Variants in SYS1 observed in about 807,000 individuals in gnomAD.
SYS1 encodes SYS1 golgi trafficking protein, also known as protein SYS1 homolog.
In SYS1, 8 loss-of-function variants were observed where a neutral mutation model predicts 17.8. The observed-to-expected ratio is 0.45, with a 90% confidence interval of 0.26 to 0.81. The LOEUF (loss-of-function observed/expected upper bound fraction) is 0.81. Ranked by LOEUF, SYS1 falls within the 40% of genes least tolerant of loss-of-function variation. The pLI is 0.16. For synonymous variants in SYS1, 95 were observed against 90.9 expected, an observed-to-expected ratio of 1.05 and a Z score of -0.26; for missense variants, 161 against 203.9, an observed-to-expected ratio of 0.79 and a Z score of 1.28.
chr20:45,365,723 T>G (rs1568917368), intron 3 of SYS1, 37 bp downstream of exon 3: 2 of 1,594,622 alleles, frequency 1.3e-6, no homozygotes, highest in East Asian at 4.5e-5. Flanking sequence ...GCTTTTGGGC[T>G]CTTAGTGCTG....
chr20:45,375,203 G>A, exon 4 of SYS1: 1 of 1,614,224 alleles, frequency 6.2e-7, no homozygotes, highest in Non-Finnish European at 8.5e-7. Flanking sequence ...GCTACATCCA[G>A]CTGCTTCATG....
At chr20:45,370,347 C>T (rs1331212236), downstream of SYS1, among the ~76,000 whole-genome samples, 1 of 152,140 alleles carries the variant, frequency 6.6e-6, no homozygotes, top group Admixed American at 6.5e-5. Context: ...CTTAACTCTC[C>T]AGGTGTCTGA....
chr20:45,369,773 T>C (rs1056209358), downstream of SYS1, among the ~76,000 whole-genome samples: 2 of 150,828 alleles, frequency 1.3e-5, no homozygotes, highest in African/African-American at 2.4e-5. Flanking sequence ...AGCTAATTTT[T>C]GTATTTTTAT....
At chr20:45,361,951 T>C (rs895282500), upstream of SYS1, 2 of 981,560 alleles carry the variant, frequency 2.0e-6, no homozygotes, top group Non-Finnish European at 2.4e-6. Context: ...AACAACTTAC[T>C]TCCCGTCTTT....
chr20:45,368,479 T>C lies in SYS1; in HGVS notation c.*1364T>C. On this transcript the variant is annotated 3_prime_UTR_variant, in exon 4 of 4. Coordinates refer to ENST00000243918, the MANE Select transcript of SYS1 (RefSeq NM_033542.4). ...CCCAAGAGAGCTGTCAGTTTTCAGC[T>C]GTCAGTAACACAAATGAGTTTATGG... The C allele has an allele frequency of 1.0e-6, 1 of 985,486 alleles. No homozygotes were observed. Among genetic ancestry groups the C allele is most frequent in the Non-Finnish European group, 1.2e-6 (1 of 829,948 alleles). 61.0% of individuals were successfully genotyped at this position (985,486 alleles called of 1,614,324 possible).
At chr20:45,362,330 T>C (rs902311266), upstream of SYS1, among the ~76,000 whole-genome samples, 1 of 150,228 alleles carries the variant, frequency 6.7e-6, no homozygotes, top group Admixed American at 6.7e-5. Context: ...TGTTGTAGTG[T>C]TGAGGAAACA....
At chr20:45,374,919 C>T in exon 4 of SYS1, 1 of 1,370,762 alleles carries the variant, frequency 7.3e-7, no homozygotes. Context: ...AGCCTCCCAG[C>T]ACTACCAGCC....
upstream of SYS1, chr20:45,362,976 C>A: frequency 2.4e-6 from 1 of 415,294 alleles, no homozygotes; most frequent in Non-Finnish European, 3.2e-6. Flanking sequence ...CTCTAGAGGG[C>A]GCGCAAGCTC....
downstream of SYS1, among the ~76,000 whole-genome samples, chr20:45,369,603 T>A (rs1240724330): frequency 1.2e-4 from 5 of 41,644 alleles, no homozygotes; most frequent in Non-Finnish European, 5.4e-4. Flanking sequence ...TTCCTTTTTT[T>A]TTTTTTTTTT....
Position 45,367,447 on chromosome 20 carries a change from G to A in SYS1, c.*332G>A. The A allele has an allele frequency of 8.8e-7, 1 of 1,134,446 alleles. No individual in the cohort carries two copies. Among genetic ancestry groups the A allele is most frequent in the African/African-American group, 1.7e-5 (1 of 60,404 alleles). 70.3% of individuals were successfully genotyped at this position (1,134,446 alleles called of 1,614,324 possible). The stretch of plus-strand genomic sequence containing the variant: ...GTTTTAAGAGAGAAAAAAAATCAAG[G>A]ATATCTGATTGGAGCAAACCACTTC... On this transcript the variant is annotated 3_prime_UTR_variant, in exon 4 of 4. Transcript: ENST00000243918.
chr20:45,370,922 A>G (rs370666108), downstream of SYS1, among the ~76,000 whole-genome samples: 14 of 152,172 alleles, frequency 9.2e-5, no homozygotes, highest in East Asian at 2.1e-3. Flanking sequence ...TAGAAATAGC[A>G]TTGAGGCAGG....
At chr20:45,375,336 A>G (rs773634245) in exon 4 of SYS1, 6 of 1,614,026 alleles carry the variant, frequency 3.7e-6, no homozygotes, top group Non-Finnish European at 1.7e-6. Context: ...TTGGAACCTC[A>G]GGCTCTATAT....
upstream of SYS1, among the ~76,000 whole-genome samples, chr20:45,362,439 T>C (rs1182989021): frequency 6.6e-6 from 1 of 152,168 alleles, no homozygotes; most frequent in African/African-American, 2.4e-5. Flanking sequence ...TGATCTCGGC[T>C]CACTGCAACC....
rs1002999870 is a variant in SYS1, at chr20:45,367,726, C to T, written c.*611C>T. Reference sequence around the variant, plus strand: ...CCTGTTATACACACGTTCATGTGCACCCAAGAACCTATGACTTTCTTCCAG... The same window carrying T: ...CCTGTTATACACACGTTCATGTGCATCCAAGAACCTATGACTTTCTTCCAG... On this transcript the variant is annotated 3_prime_UTR_variant, in exon 4 of 4. Coordinates refer to ENST00000243918, the MANE Select transcript of SYS1 (RefSeq NM_033542.4). 1.2e-5 allele frequency: 12 copies of T among 986,946 alleles called. No homozygotes were observed. The highest frequency in any genetic ancestry group is 1.4e-5 in the Non-Finnish European group (12 of 830,806). The allele number at this position is 986,946 out of a possible 1,614,324, so 61.1% of individuals were successfully genotyped here.
At chr20:45,373,594 G>C, downstream of SYS1, 1 of 401,002 alleles carries the variant, frequency 2.5e-6, no homozygotes, top group South Asian at 3.3e-5. Flanking sequence ...GTTACTTGCT[G>C]CCTCCGCGCC....
chr20:45,365,388 C>T (rs1568917098), intron 2 of SYS1: 1 of 630,718 alleles, frequency 1.6e-6, no homozygotes, highest in East Asian at 3.0e-5. Flanking sequence ...GTTTTTACGT[C>T]CTCCTTTGTA....
At position 45,366,968 on chromosome 20, in the gene SYS1, C is replaced by T. The variant is rs774869686; in HGVS notation, c.324C>T (p.Phe108=). Reference sequence around the variant, plus strand: ...TCTTTCACCTCCTGGGCTGCTGGTTCTACAGCTCCCGTTTCCCCTCGGCGC... The same window carrying T: ...TCTTTCACCTCCTGGGCTGCTGGTTTTACAGCTCCCGTTTCCCCTCGGCGC... ...VHFFHLLGCW[F]YSSRFPSALT... is the part of the protein sequence containing the mutation. The change falls in exon 4 of 4, where the codon TTC becomes TTT. Residue 108 remains phenylalanine (F), a synonymous_variant. Coordinates refer to ENST00000243918, the MANE Select transcript of SYS1 (RefSeq NM_033542.4). The T allele has an allele frequency of 1.2e-6, 2 of 1,614,220 alleles. No homozygotes were observed. Among genetic ancestry groups the T allele is most frequent in the East Asian group, 2.2e-5 (1 of 44,878 alleles).
At chr20:45,363,070 G>T (rs1022790600), upstream of SYS1, 2 of 984,880 alleles carry the variant, frequency 2.0e-6, no homozygotes, top group Admixed American at 6.0e-5. Flanking sequence ...GCTTGTACCT[G>T]GTTCAGGAGG....
downstream of SYS1, chr20:45,373,986 C>G: frequency 6.2e-7 from 1 of 1,614,138 alleles, no homozygotes; most frequent in Non-Finnish European, 8.5e-7. Flanking sequence ...GCTCGCACCT[C>G]TGGCTCTCGT....
Sources: allele counts gnomAD v4.1 joint callset (sites outside exome capture counted in the v4.1 genomes callset), GRCh38; gene constraint gnomAD v4.1.1; transcripts MANE v1.5; gene names NCBI Gene and HGNC (gene_info 2026-07-23, HGNC 2026-07-21).